Variants in RTN4 observed in about 807,000 individuals in gnomAD.
The protein encoded by RTN4 is reticulon 4.
Under a neutral mutation model 90.4 loss-of-function variants are expected in RTN4, and 32 were observed. The ratio of observed to expected loss-of-function variants is 0.35; its 90% CI spans 0.27 to 0.48. RTN4 has a LOEUF of 0.48. Among genes scored for constraint, RTN4 ranks in the 20% least tolerant of loss-of-function variants. The pLI, the probability that RTN4 is intolerant of heterozygous loss-of-function variation, is 0.99. For synonymous variants in RTN4, 629 were observed against 552.5 expected, an observed-to-expected ratio of 1.14 and a Z score of -1.94; for missense variants, 1,706 against 1,430.2, an observed-to-expected ratio of 1.19 and a Z score of -3.11.
In RTN4 at chr2:54,972,293, T is replaced by C. The variant is rs200115437; in HGVS notation, c.*863A>G. The C allele has an allele frequency of 1.3e-5, 2 of 152,806 alleles. No homozygotes were observed. Among genetic ancestry groups the C allele is most frequent in the Middle Eastern group, 3.4e-3 (1 of 294 alleles). 9.5% of individuals were successfully genotyped at this position (152,806 alleles called of 1,614,324 possible). On this transcript the variant is annotated 3_prime_UTR_variant, in exon 9 of 9. Coordinates refer to ENST00000337526, the MANE Select transcript of RTN4 (RefSeq NM_020532.5). ...AACCACAATGGTATAAATCTTCATT[T>C]TGTAATTAATAATTTCTTGCATAAC...
At chr2:55,044,525 A>G (rs1683286401) in intron 1 of RTN4, among the ~76,000 whole-genome samples, 1 of 152,224 alleles carries the variant, frequency 6.6e-6, no homozygotes, top group African/African-American at 2.4e-5. Context: ...AGCCTGGACA[A>G]AAGTGAGACC....
At chr2:55,115,166 A>G (rs1488821629), upstream of RTN4, among the ~76,000 whole-genome samples, 1 of 152,214 alleles carries the variant, frequency 6.6e-6, no homozygotes, top group Non-Finnish European at 1.5e-5. Flanking sequence ...CACATTTATT[A>G]TCTTATCAGC....
intron 2 of RTN4, among the ~76,000 whole-genome samples, chr2:55,079,616 T>C (rs1420075444): frequency 1.3e-5 from 2 of 152,232 alleles, no homozygotes; most frequent in Non-Finnish European, 2.9e-5. Context: ...CTTTTAATGT[T>C]GTCAGTTCAG....
intron 2 of RTN4, chr2:55,056,400 A>G (rs542741553): frequency 6.6e-6 from 1 of 152,304 alleles, no homozygotes; most frequent in African/African-American, 2.4e-5. Flanking sequence ...CAATCTGGAT[A>G]TGCCAAAGAG....
chr2:55,118,866 T>C, the RTN4 span, among the ~76,000 whole-genome samples: 7 of 152,346 alleles, frequency 4.6e-5, no homozygotes, highest in South Asian at 8.3e-4. Flanking sequence ...TGACAATTTA[T>C]CAGGAAGCAA....
intron 1 of RTN4, among the ~76,000 whole-genome samples, chr2:55,102,835 G>A (rs892175303): frequency 1.6e-4 from 25 of 151,918 alleles, no homozygotes; most frequent in African/African-American, 6.0e-4. Context: ...AGTTACTATC[G>A]TGGCCGGGTG....
At chr2:55,049,684 C>A in intron 1 of RTN4, 61 bp downstream of exon 1, 2 of 1,478,582 alleles carry the variant, frequency 1.4e-6, no homozygotes, top group Non-Finnish European at 1.8e-6. Flanking sequence ...GCATCTGGGG[C>A]TGCACACAAA....
At chr2:54,980,357 T>C (rs1219384667) in intron 5 of RTN4, among the ~76,000 whole-genome samples, 5 of 152,190 alleles carry the variant, frequency 3.3e-5, no homozygotes, top group Non-Finnish European at 5.9e-5. Flanking sequence ...ATCTACACAA[T>C]GGACTGTGTA....
intron 1 of RTN4, chr2:55,049,096 C>T (rs1410439138): frequency 1.0e-6 from 1 of 985,736 alleles, no homozygotes; most frequent in Non-Finnish European, 1.2e-6. Context: ...CTCTCCTTCC[C>T]ATTTCTCCAC....
chr2:54,974,100 A>T, intron 6 of RTN4: 1 of 449,050 alleles, frequency 2.2e-6, no homozygotes, highest in Non-Finnish European at 4.0e-6. Flanking sequence ...GCTTCAAATC[A>T]TATCACAGTG....
chr2:55,081,092 T>G lies in RTN4; in HGVS notation c.-213-453A>C, dbSNP rs1334459836. 2.6e-5 allele frequency among the ~76,000 whole-genome samples: 4 copies of G among 152,050 alleles called. No homozygotes were observed. The South Asian group carries it at 8.3e-4, about 32-fold the overall frequency. ...TTCATTCTTACATTCTTTCTTATTT[T>G]GAAACAGGAGCTCACTCTGTCACCC... On this transcript the variant is annotated intron_variant, in intron 1 of 3. Coordinates refer to the RTN4 transcript ENST00000427710.
At chr2:55,097,300 T>TC (rs138975758) in intron 1 of RTN4, among the ~76,000 whole-genome samples, 26,802 of 102,394 alleles carry the variant, frequency 0.26, 2,340 homozygotes, top group South Asian at 0.37. Context: ...AAATTCTGTC[T>TC]CAAAAAAAAA....
intron 4 of RTN4, 56 bp from the exon 5 acceptor site, chr2:54,982,709 G>A: frequency 1.3e-6 from 2 of 1,517,428 alleles, no homozygotes; most frequent in Non-Finnish European, 1.8e-6. Flanking sequence ...TCCCCTAAAT[G>A]TCAATCAGAA....
rs755643036 is a variant in RTN4, at chr2:55,027,083, ATGT to A, written c.1013_1015del (p.Asn338del). 6.2e-7 allele frequency: 1 copy of A among 1,613,072 alleles called. No homozygotes were observed. The highest frequency in any genetic ancestry group is 1.7e-5 in the Admixed American group (1 of 59,842). On this transcript the variant is annotated inframe_deletion, in exon 3 of 9. Coordinates refer to ENST00000337526, the MANE Select transcript of RTN4 (RefSeq NM_020532.5). ...AGGTAACTCTTGTTGATTATGAAGG[ATGT>A]TATTACTAACTAACTTCTCTTCTTC...
chr2:55,097,925 T>G (rs1456916885), intron 1 of RTN4, among the ~76,000 whole-genome samples: 2 of 152,054 alleles, frequency 1.3e-5, no homozygotes, highest in South Asian at 4.1e-4. Context: ...GAATGACATA[T>G]GGAAGCCTTC....
Position 54,973,561 on chromosome 2 carries a change from ACTTAGCCATAGCAT to A in RTN4, c.3524_3536+1del. 6.2e-7 allele frequency: 1 copy of A among 1,600,674 alleles called. No homozygotes were observed. The highest frequency in any genetic ancestry group is 8.6e-7 in the Non-Finnish European group (1 of 1,167,952). On this transcript the variant is annotated splice_donor_variant and coding_sequence_variant, in exon 8 of 9. Coordinates refer to ENST00000337526, the MANE Select transcript of RTN4 (RefSeq NM_020532.5). LOFTEE classifies it high-confidence loss of function. Reference sequence around the variant, plus strand: ...AAAACACTGCAGATTTTAAATACTTACTTAGCCATAGCATCTTTAACATTCTTATTTGCAAGTCC... The same window carrying A: ...AAAACACTGCAGATTTTAAATACTTACTTTAACATTCTTATTTGCAAGTCC...
chr2:55,095,156 G>A (rs932680683), intron 1 of RTN4, among the ~76,000 whole-genome samples: 23 of 151,964 alleles, frequency 1.5e-4, no homozygotes, highest in African/African-American at 5.3e-4. Flanking sequence ...AACCCCGTCT[G>A]TACTTAAAAT....
At chr2:55,116,240 T>G (rs566557495), upstream of RTN4, among the ~76,000 whole-genome samples, 7 of 152,202 alleles carry the variant, frequency 4.6e-5, no homozygotes, top group South Asian at 1.2e-3. Flanking sequence ...TTTCTAATTG[T>G]TTCATCAGGC....
chr2:55,070,545 CAAA>C (rs747838297), intron 2 of RTN4, among the ~76,000 whole-genome samples: 9 of 67,318 alleles, frequency 1.3e-4, no homozygotes, highest in African/African-American at 2.1e-4. Context: ...GACTCTGTCT[CAAA>C]AAAAAAAAAA....
Sources: gnomAD v4.1 joint callset for allele counts (sites outside exome capture counted in the v4.1 genomes callset) on GRCh38, gnomAD v4.1.1 for gene constraint, MANE v1.5 for transcripts, NCBI Gene and HGNC (gene_info 2026-07-23, HGNC 2026-07-21) for gene names.